Variants in CHST15 observed in about 807,000 individuals in gnomAD.
CHST15 encodes the protein B cell RAG associated protein (GALNAC4S-6ST).
CHST15 carries 30 observed loss-of-function variants against 53.6 expected under a neutral mutation model. The ratio of observed to expected loss-of-function variants is 0.56; its 90% CI spans 0.42 to 0.76. CHST15 has a LOEUF of 0.76. Ranked by LOEUF, CHST15 falls within the 30% of genes least tolerant of loss-of-function variation. The probability of loss-of-function intolerance (pLI) is 0.00; values close to 1 mark genes in which losing one functional copy is unlikely to be tolerated. For missense variants in CHST15, 627 were observed against 740.5 expected, an observed-to-expected ratio of 0.85 and a Z score of 1.78; for synonymous variants, 296 against 289.8, an observed-to-expected ratio of 1.02 and a Z score of -0.22.
At chr10:124,083,813 G>A (rs1949329230) in intron 1 of CHST15, among the ~76,000 whole-genome samples, 1 of 152,188 alleles carries the variant, frequency 6.6e-6, no homozygotes, top group South Asian at 2.1e-4. Flanking sequence ...GATGCGGCAT[G>A]GGGACTCGGC....
chr10:124,045,004 G>A, intron 2 of CHST15, 85 bp from the exon 3 acceptor site: 1 of 845,232 alleles, frequency 1.2e-6, no homozygotes, highest in Non-Finnish European at 1.6e-6. Context: ...CCTGCCCTGA[G>A]ACTGACGACC....
intron 5 of CHST15, among the ~76,000 whole-genome samples, chr10:124,031,813 T>C (rs1258219613): frequency 6.6e-6 from 1 of 152,314 alleles, no homozygotes; most frequent in African/African-American, 2.4e-5. Flanking sequence ...ATTTTACCGA[T>C]GAGAAAATAA....
intron 6 of CHST15, among the ~76,000 whole-genome samples, chr10:124,018,947 G>A (rs1946677240): frequency 6.6e-6 from 1 of 152,074 alleles, no homozygotes; most frequent in African/African-American, 2.4e-5. Context: ...GTAGGATGAT[G>A]GGGAAACCCA....
rs1347851404 is a variant in CHST15 at position 124,087,312 on chromosome 10, C to A, written c.-513+6157G>T. Reference sequence around the variant, plus strand: ...CCTGGGAGGGATGGGATCGCCACTTCTCCTTGTATGCCCTCCCCCTTGCTG... The same window carrying A: ...CCTGGGAGGGATGGGATCGCCACTTATCCTTGTATGCCCTCCCCCTTGCTG... On this transcript the variant is annotated intron_variant, in intron 1 of 7. Coordinates refer to ENST00000435907, the MANE Select transcript of CHST15 (RefSeq NM_001270764.2). Among the ~76,000 whole-genome samples the A allele has an allele frequency of 2.6e-5, 4 of 152,214 alleles. 1 individual carries two copies. Among genetic ancestry groups the A allele is most frequent in the Non-Finnish European group, 5.9e-5 (4 of 68,044 alleles).
At chr10:124,047,442 C>T (rs927872174) in intron 1 of CHST15, among the ~76,000 whole-genome samples, 8 of 152,192 alleles carry the variant, frequency 5.3e-5, no homozygotes, top group East Asian at 1.9e-4. Flanking sequence ...TTCATCATCT[C>T]GAGCAAGATA....
At chr10:124,089,427 GA>G (rs1216492072) in intron 1 of CHST15, among the ~76,000 whole-genome samples, 4 of 152,006 alleles carry the variant, frequency 2.6e-5, no homozygotes, top group Non-Finnish European at 5.9e-5. Context: ...GTGTAGATGG[GA>G]AAAATGACAG....
At chr10:124,058,997 C>T (rs1948473100) in intron 1 of CHST15, among the ~76,000 whole-genome samples, 1 of 152,130 alleles carries the variant, frequency 6.6e-6, no homozygotes, top group South Asian at 2.1e-4. Flanking sequence ...GAATGTAATG[C>T]TATACACTTC....
intron 1 of CHST15, among the ~76,000 whole-genome samples, chr10:124,052,022 C>T (rs1371662718): frequency 1.3e-5 from 2 of 152,060 alleles, no homozygotes; most frequent in Non-Finnish European, 2.9e-5. Context: ...TACATTTGCC[C>T]TCTGGGGACA....
chr10:124,011,251 A>C (rs1397505525), intron 7 of CHST15, among the ~76,000 whole-genome samples: 1 of 152,218 alleles, frequency 6.6e-6, no homozygotes, highest in Non-Finnish European at 1.5e-5. Context: ...TAGCCCATAG[A>C]CAGAAAAAGC....
intron 1 of CHST15, among the ~76,000 whole-genome samples, chr10:124,081,919 T>C (rs909381048): frequency 6.6e-6 from 1 of 152,196 alleles, no homozygotes; most frequent in Non-Finnish European, 1.5e-5. Flanking sequence ...CCAAATCAGA[T>C]AAAATTTCAT....
intron 1 of CHST15, among the ~76,000 whole-genome samples, chr10:124,076,258 C>T (rs144490131): frequency 2.5e-3 from 385 of 152,346 alleles, no homozygotes; most frequent in African/African-American, 8.9e-3. Context: ...CAGGTTTTCT[C>T]TTCTCAAAGC....
rs74547640 is a variant in CHST15 at position 124,073,333 on chromosome 10, T to C, written c.-513+20136A>G. ...AGATATAAAGGAGAACCACACAGGA[T>C]TCCAGTTAGAGACAGCACAAAACAG... is the stretch of plus-strand genomic sequence containing the variant. On this transcript the variant is annotated intron_variant, in intron 1 of 7. Transcript: ENST00000435907. Among the ~76,000 whole-genome samples the C allele has an allele frequency of 4.2e-3, 644 of 152,246 alleles. 10 individuals are homozygous for C. Among genetic ancestry groups the C allele is most frequent in the Admixed American group, 0.029 (448 of 15,298 alleles).
chr10:124,088,621 C>T (rs904623418), intron 1 of CHST15, among the ~76,000 whole-genome samples: 2 of 152,192 alleles, frequency 1.3e-5, no homozygotes, highest in East Asian at 1.9e-4. Flanking sequence ...CCTGCACATC[C>T]GGATGGCTGA....
chr10:124,044,779 G>T lies in CHST15; in HGVS notation c.687C>A (p.Phe229Leu). The T allele has an allele frequency of 6.2e-7, 1 of 1,611,062 alleles. No homozygotes were observed. The highest frequency in any genetic ancestry group is 8.5e-7 in the Non-Finnish European group (1 of 1,178,432). The change falls in exon 3 of 8, where the codon TTC becomes TTA. Residue 229 changes from phenylalanine (F) to leucine (L), a missense_variant. Around this residue, in one of 3 missense-constraint regions of CHST15, gnomAD observed 161 missense variants for 117.2 expected, o/e 1.37. Transcript: ENST00000435907. ...CCCAGAAGGCCTTGCGCAGGGCGTCGAAGGTGGAGCGGAAGCGCTTGGAGT... is the reference window on the plus strand; with the variant it reads ...CCCAGAAGGCCTTGCGCAGGGCGTCTAAGGTGGAGCGGAAGCGCTTGGAGT... ...VLYSKRFRST[F>L]DALRKAFWGH... is the part of the protein sequence containing the mutation.
intron 5 of CHST15, 102 bp downstream of exon 5, chr10:124,038,413 T>A: frequency 7.0e-7 from 1 of 1,418,990 alleles, no homozygotes; most frequent in Non-Finnish European, 9.7e-7. Flanking sequence ...ACCTGTTTAA[T>A]TTTTTCTAAA....
intron 1 of CHST15, among the ~76,000 whole-genome samples, chr10:124,066,420 A>T (rs1407051405): frequency 1.3e-5 from 2 of 151,782 alleles, no homozygotes; most frequent in Non-Finnish European, 2.9e-5. Flanking sequence ...TATTTCTGGG[A>T]CTGACCCACA....
chr10:124,013,916 C>G (rs965668424), intron 6 of CHST15, among the ~76,000 whole-genome samples: 1 of 152,244 alleles, frequency 6.6e-6, no homozygotes, highest in Non-Finnish European at 1.5e-5. Flanking sequence ...GAAGCTGATA[C>G]AGCCTCCTGG....
At position 124,009,110 on chromosome 10, in the gene CHST15, A is replaced by G. The variant is rs1946343041; in HGVS notation, c.*1039T>C. 3 of 1,260,032 alleles carry G rather than the reference A, an allele frequency of 2.4e-6. No homozygotes were observed. Among genetic ancestry groups the G allele is most frequent in the Non-Finnish European group, 3.1e-6 (3 of 966,326 alleles). 78.1% of individuals were successfully genotyped at this position (1,260,032 alleles called of 1,614,324 possible). A position where few individuals can be genotyped will look rare whatever the true frequency, so the allele number is the denominator to read the frequency against. On this transcript the variant is annotated 3_prime_UTR_variant, in exon 8 of 8. Coordinates refer to ENST00000435907, the MANE Select transcript of CHST15 (RefSeq NM_001270764.2). ...AGAATGTGGAAATAAACTATTTCCA[A>G]TGGGAAGGCAGAGAAATGGAGCCTG...
intron 5 of CHST15, among the ~76,000 whole-genome samples, chr10:124,033,183 G>A (rs79965628): frequency 5.5e-4 from 84 of 152,340 alleles, no homozygotes; most frequent in African/African-American, 2.0e-3. Flanking sequence ...TGGCTGAGAT[G>A]GGAAACGCGC....
Sources: gnomAD v4.1 joint callset for allele counts (sites outside exome capture counted in the v4.1 genomes callset) on GRCh38, gnomAD v4.1.1 for gene constraint, gnomAD v4.1.1 regional missense constraint, MANE v1.5 for transcripts, NCBI Gene and HGNC (gene_info 2026-07-23, HGNC 2026-07-21) for gene names.